The following ITCH variants were observed in gnomAD, a reference collection of about 807,000 sequenced individuals.
The protein encoded by ITCH is E3 ubiquitin-protein ligase Itchy homolog.
In ITCH, 28 loss-of-function variants were observed where a neutral mutation model predicts 126.8. The observed-to-expected ratio is 0.22, with a 90% CI of 0.16 to 0.30. The LOEUF (loss-of-function observed/expected upper bound fraction) is 0.30, where lower values mean the gene tolerates loss of function less well. Ranked by LOEUF, ITCH falls within the 10% of genes least tolerant of loss-of-function variation. ITCH has a pLI of 1.00. For missense variants in ITCH, 631 were observed against 1,032.4 expected (o/e 0.61, Z 5.33); for synonymous variants, 342 against 340.0 (o/e 1.01, Z -0.06).
intron 2 of ITCH, among the ~76,000 whole-genome samples, chr20:34,378,962 C>G (rs2037950495): frequency 6.6e-6 from 1 of 152,134 alleles, no homozygotes; most frequent in African/African-American, 2.4e-5. Flanking sequence ...GCTGCTGAAG[C>G]AAACACACAG....
chr20:34,505,564 T>TC (rs2146573468), intron 24 of ITCH, among the ~76,000 whole-genome samples: 1 of 151,830 alleles, frequency 6.6e-6, no homozygotes, highest in South Asian at 2.1e-4. Context: ...TATAACTTTT[T>TC]TTTTTTTGGA....
intron 2 of ITCH, among the ~76,000 whole-genome samples, chr20:34,386,922 C>T (rs2038303882): frequency 6.6e-6 from 1 of 151,990 alleles, no homozygotes; most frequent in East Asian, 1.9e-4. Context: ...TTAATTTTAC[C>T]TCTGGCAGTG....
chr20:34,408,593 A>G, intron 3 of ITCH, 58 bp from the exon 4 acceptor site: 1 of 1,481,094 alleles, frequency 6.8e-7, no homozygotes, highest in Non-Finnish European at 9.4e-7. Context: ...AGTTAAATTG[A>G]TTTCATGAGT....
intron 12 of ITCH, among the ~76,000 whole-genome samples, chr20:34,450,737 A>G (rs1468190550): frequency 6.6e-6 from 1 of 152,220 alleles, no homozygotes; most frequent in Non-Finnish European, 1.5e-5. Flanking sequence ...TGATATTTCT[A>G]GATTGGGAAA....
intron 2 of ITCH, among the ~76,000 whole-genome samples, chr20:34,388,443 G>T (rs2038368394): frequency 6.6e-6 from 1 of 151,696 alleles, no homozygotes; most frequent in Non-Finnish European, 1.5e-5. Flanking sequence ...GGATTGCAGT[G>T]GCCTTATCAC....
intron 14 of ITCH, among the ~76,000 whole-genome samples, chr20:34,469,450 G>A (rs1007732610): frequency 3.3e-5 from 5 of 151,736 alleles, no homozygotes; most frequent in East Asian, 1.9e-4. Context: ...CACCACACCC[G>A]GCTAATTTTT....
At chr20:34,408,902 T>C in intron 4 of ITCH, 110 bp downstream of exon 4, 1 of 1,119,258 alleles carries the variant, frequency 8.9e-7, no homozygotes, top group Non-Finnish European at 1.3e-6. Context: ...GTTCCTCCTT[T>C]CTCTCTTCTT....
At chr20:34,472,468 A>G (rs146385104) in intron 16 of ITCH, among the ~76,000 whole-genome samples, 138 of 152,254 alleles carry the variant, frequency 9.1e-4, no homozygotes, top group African/African-American at 3.1e-3. Flanking sequence ...AAATGTTAAA[A>G]TGATTGTGTT....
chr20:34,393,678 T>G (rs964101805), intron 2 of ITCH, 113 bp from the exon 3 acceptor site: 1 of 759,382 alleles, frequency 1.3e-6, no homozygotes, highest in Non-Finnish European at 2.4e-6. Context: ...TGTTTAGTAA[T>G]GTAAAGGCCT....
intron 2 of ITCH, among the ~76,000 whole-genome samples, chr20:34,383,476 C>G (rs1040590327): frequency 1.5e-4 from 23 of 150,524 alleles, no homozygotes; most frequent in African/African-American, 5.6e-4. Flanking sequence ...AAGCAATTCT[C>G]CTGCCTCAGC....
intron 13 of ITCH, among the ~76,000 whole-genome samples, chr20:34,461,367 G>A (rs561100049): frequency 6.6e-6 from 1 of 152,262 alleles, no homozygotes; most frequent in Non-Finnish European, 1.5e-5. Context: ...TATAAGAGCA[G>A]GCCTAGAGTG....
At chr20:34,375,525 G>A (rs2037803532) in intron 2 of ITCH, among the ~76,000 whole-genome samples, 1 of 151,738 alleles carries the variant, frequency 6.6e-6, no homozygotes, top group South Asian at 2.1e-4. Context: ...CTTGAGGCCA[G>A]GAGTTTGAGA....
chr20:34,390,119 C>CAAA (rs58863322), intron 2 of ITCH, among the ~76,000 whole-genome samples: 2 of 147,214 alleles, frequency 1.4e-5, no homozygotes, highest in Admixed American at 6.8e-5. Context: ...GACTCTGTCT[C>CAAA]AAAAAAAAAA....
At chr20:34,434,524 A>G (rs775136577) in intron 7 of ITCH, among the ~76,000 whole-genome samples, 16 of 152,228 alleles carry the variant, frequency 1.1e-4, no homozygotes, top group Non-Finnish European at 2.1e-4. Flanking sequence ...GGGCAGTCCT[A>G]GAGGATATAG....
At chr20:34,455,670 G>T (rs1465916895) in intron 12 of ITCH, among the ~76,000 whole-genome samples, 1 of 150,192 alleles carries the variant, frequency 6.7e-6, no homozygotes, top group African/African-American at 2.5e-5. Flanking sequence ...TAGAGACGGG[G>T]TTTCACCATG....
chr20:34,456,208 ATATATATTTTT>A (rs1985961979), intron 12 of ITCH, among the ~76,000 whole-genome samples: 6 of 31,388 alleles, frequency 1.9e-4, no homozygotes, highest in African/African-American at 4.3e-4. Flanking sequence ...ATATATATAT[ATATATATTTTT>A]TTTTTTTTTT....
At chr20:34,369,534 T>C (rs2037541193) in intron 2 of ITCH, 64 bp downstream of exon 2, 1 of 395,940 alleles carries the variant, frequency 2.5e-6, no homozygotes, top group Non-Finnish European at 4.5e-6. Context: ...GCTCTGGTCT[T>C]ATACCTGCTG....
intron 10 of ITCH, among the ~76,000 whole-genome samples, chr20:34,444,309 C>T (rs1015710066): frequency 6.6e-6 from 1 of 152,128 alleles, no homozygotes; most frequent in Non-Finnish European, 1.5e-5. Flanking sequence ...GTGGGCTGGG[C>T]GTGGTGGTTC....
chr20:34,443,951 A>G (rs1600349021), intron 10 of ITCH, among the ~76,000 whole-genome samples: 1 of 151,886 alleles, frequency 6.6e-6, no homozygotes, highest in Non-Finnish European at 1.5e-5. Context: ...ATGCCACTGT[A>G]CTCCTGGGCA....
Sources: gnomAD v4.1 joint callset for allele counts (sites outside exome capture counted in the v4.1 genomes callset) on GRCh38, gnomAD v4.1.1 for gene constraint, MANE v1.5 for transcripts, NCBI Gene and HGNC (gene_info 2026-07-23, HGNC 2026-07-21) for gene names.